COL25A1: variants seen among roughly 807,000 people sequenced by gnomAD.
COL25A1 encodes collagen alpha-1(XXV) chain.
COL25A1 carries 103 observed loss-of-function variants against 128.4 expected under a neutral mutation model. The observed-to-expected ratio is 0.80, with a 90% CI of 0.68 to 0.94. The LOEUF (loss-of-function observed/expected upper bound fraction) is 0.94. Among genes scored for constraint, COL25A1 ranks in the 40% least tolerant of loss-of-function variants. The pLI, the probability that COL25A1 is intolerant of heterozygous loss-of-function variation, is 0.00. For synonymous variants in COL25A1, 279 were observed against 277.2 expected (o/e 1.01, Z -0.06); for missense variants, 745 against 840.0 (o/e 0.89, Z 1.40).
chr4:108,878,910 C>T (rs149098226), intron 19 of COL25A1, among the ~76,000 whole-genome samples: 193 of 152,256 alleles, frequency 1.3e-3, no homozygotes, highest in African/African-American at 4.5e-3. Context: ...TTATAAGTAA[C>T]GATAACACAA....
At chr4:108,911,120 G>T (rs2125883427) in intron 13 of COL25A1, among the ~76,000 whole-genome samples, 2 of 152,214 alleles carry the variant, frequency 1.3e-5, no homozygotes, top group South Asian at 2.1e-4. Context: ...AGGGTGTGTG[G>T]TTTATATTGA....
intron 22 of COL25A1, among the ~76,000 whole-genome samples, chr4:108,861,454 G>T (rs1737214594): frequency 6.6e-6 from 1 of 152,196 alleles, no homozygotes; most frequent in Non-Finnish European, 1.5e-5. Context: ...CACAGGCTAG[G>T]CCTCCCTCTG....
intron 11 of COL25A1, among the ~76,000 whole-genome samples, chr4:108,930,437 T>C (rs1048564989): frequency 3.3e-5 from 5 of 152,194 alleles, no homozygotes; most frequent in African/African-American, 9.6e-5. Flanking sequence ...ACAAAGACTA[T>C]GTGTTGCCTC....
intron 11 of COL25A1, among the ~76,000 whole-genome samples, chr4:108,936,935 G>A (rs1747492087): frequency 2.0e-5 from 3 of 151,614 alleles, no homozygotes; most frequent in South Asian, 4.2e-4. Context: ...ATGAACCCCC[G>A]TGCCCAGCCT....
intron 3 of COL25A1, among the ~76,000 whole-genome samples, chr4:109,181,312 A>G (rs1774607136): frequency 1.3e-5 from 2 of 152,106 alleles, no homozygotes; most frequent in African/African-American, 2.4e-5. Context: ...CAGGGACTTC[A>G]TGGACCAGAG....
At chr4:109,266,511 G>A (rs1781804718) in intron 3 of COL25A1, among the ~76,000 whole-genome samples, 1 of 152,094 alleles carries the variant, frequency 6.6e-6, no homozygotes, top group East Asian at 1.9e-4. Context: ...GATTGTTTAT[G>A]TTGTTGGCAC....
At chr4:109,216,748 T>C (rs1778030172) in intron 3 of COL25A1, among the ~76,000 whole-genome samples, 1 of 152,126 alleles carries the variant, frequency 6.6e-6, no homozygotes, top group Admixed American at 6.6e-5. Flanking sequence ...TGAGAGAGAA[T>C]AAATTTCTAT....
intron 3 of COL25A1, among the ~76,000 whole-genome samples, chr4:109,247,284 A>G (rs1455036506): frequency 6.6e-6 from 1 of 151,976 alleles, no homozygotes; most frequent in Non-Finnish European, 1.5e-5. Flanking sequence ...CAGGAGGGGG[A>G]GTTTGCAGTG....
intron 3 of COL25A1, among the ~76,000 whole-genome samples, chr4:109,279,114 G>A (rs1360847344): frequency 4.6e-5 from 7 of 151,806 alleles, no homozygotes; most frequent in African/African-American, 9.7e-5. Context: ...AGTTTTGGGC[G>A]GGGGGATGGG....
At chr4:109,264,783 C>A (rs1396931545) in intron 3 of COL25A1, among the ~76,000 whole-genome samples, 1 of 152,192 alleles carries the variant, frequency 6.6e-6, no homozygotes, top group African/African-American at 2.4e-5. Flanking sequence ...ATCATTGGCA[C>A]TCCCTGGTTT....
At chr4:109,009,004 C>A (rs1394741023) in intron 6 of COL25A1, among the ~76,000 whole-genome samples, 3 of 152,134 alleles carry the variant, frequency 2.0e-5, no homozygotes, top group Non-Finnish European at 4.4e-5. Context: ...GGCCTGTAAT[C>A]CCAGCTACTT....
intron 3 of COL25A1, among the ~76,000 whole-genome samples, chr4:109,244,491 G>A (rs1780128851): frequency 1.3e-5 from 2 of 152,184 alleles, no homozygotes; most frequent in Admixed American, 1.3e-4. Context: ...GAATAAAAAG[G>A]AGTTGAAGCA....
chr4:108,860,582 TAA>T (rs1053296365), intron 23 of COL25A1, among the ~76,000 whole-genome samples: 1 of 151,962 alleles, frequency 6.6e-6, no homozygotes, highest in East Asian at 1.9e-4. Flanking sequence ...CCTTTTTTTT[TAA>T]AAAAAGACAC....
intron 3 of COL25A1, among the ~76,000 whole-genome samples, chr4:109,098,796 T>A (rs1765634900): frequency 6.6e-6 from 1 of 152,176 alleles, no homozygotes; most frequent in Admixed American, 6.5e-5. Context: ...GCACAGGATG[T>A]TTAGTCTATA....
At chr4:109,017,382 C>T (rs1255896156) in intron 5 of COL25A1, among the ~76,000 whole-genome samples, 1 of 152,200 alleles carries the variant, frequency 6.6e-6, no homozygotes, top group Non-Finnish European at 1.5e-5. Context: ...CAGAATGAGC[C>T]CAGCAGGTCT....
At chr4:109,205,396 C>A (rs111858450) in intron 3 of COL25A1, among the ~76,000 whole-genome samples, 10 of 152,216 alleles carry the variant, frequency 6.6e-5, no homozygotes, top group African/African-American at 2.4e-4. Flanking sequence ...AAGCTGGATG[C>A]GGACACGGGA....
chr4:108,943,270 T>C (rs1748353592), intron 8 of COL25A1, among the ~76,000 whole-genome samples: 1 of 152,228 alleles, frequency 6.6e-6, no homozygotes, highest in Non-Finnish European at 1.5e-5. Flanking sequence ...AACCACACTG[T>C]AATTTCCCTC....
chr4:108,855,204 A>T (rs12644294), intron 24 of COL25A1, among the ~76,000 whole-genome samples: 104,295 of 137,752 alleles, frequency 0.76, 38,779 homozygotes, highest in South Asian at 0.84. Context: ...TTTTTTTTTT[A>T]TTTTTTAAAT....
chr4:109,106,248 C>T (rs1470586243), intron 3 of COL25A1, among the ~76,000 whole-genome samples: 5 of 152,210 alleles, frequency 3.3e-5, no homozygotes, highest in African/African-American at 1.2e-4. Flanking sequence ...ACACCAGCCA[C>T]AAGCACCATT....
Sources: allele counts gnomAD v4.1 joint callset (sites outside exome capture counted in the v4.1 genomes callset), GRCh38; gene constraint gnomAD v4.1.1; transcripts MANE v1.5; gene names NCBI Gene and HGNC (gene_info 2026-07-23, HGNC 2026-07-21).